FAR2: variants seen among roughly 807,000 people sequenced by gnomAD.
FAR2 encodes epididymis secretory protein Li 81.
A neutral mutation model predicts 56.0 loss-of-function variants in FAR2; 19 were observed. That is an observed-to-expected ratio of 0.34 (90% CI 0.24 to 0.50). The LOEUF is 0.50. Among genes scored for constraint, FAR2 ranks in the 20% least tolerant of loss-of-function variants. FAR2 has a pLI of 0.98. For missense variants in FAR2, 508 were observed against 642.2 expected, an observed-to-expected ratio of 0.79 and a Z score of 2.26; for synonymous variants, 219 against 218.8, an observed-to-expected ratio of 1.00 and a Z score of -0.01.
At chr12:29,159,144 A>T (rs181772465) in intron 1 of FAR2, among the ~76,000 whole-genome samples, 76 of 152,336 alleles carry the variant, frequency 5.0e-4, no homozygotes, top group Non-Finnish European at 1.3e-4. Flanking sequence ...ATGTGTAAAT[A>T]TACAATGCTC....
intron 1 of FAR2, among the ~76,000 whole-genome samples, chr12:29,170,444 G>A (rs1033930411): frequency 6.6e-6 from 1 of 152,240 alleles, no homozygotes; most frequent in African/African-American, 2.4e-5. Flanking sequence ...CAACAAGGTG[G>A]TACTGGAGTA....
intron 1 of FAR2, among the ~76,000 whole-genome samples, chr12:29,209,395 C>T (rs1947516805): frequency 1.3e-5 from 2 of 152,144 alleles, no homozygotes; most frequent in South Asian, 4.2e-4. Flanking sequence ...TCTTGGGCTC[C>T]AAGTCTTCTA....
At chr12:29,266,707 C>T (rs1375955451) in intron 1 of FAR2, among the ~76,000 whole-genome samples, 1 of 152,068 alleles carries the variant, frequency 6.6e-6, no homozygotes, top group African/African-American at 2.4e-5. Context: ...ACTCCACTTA[C>T]TCTAATGTGA....
chr12:29,226,711 T>G (rs1201403158), intron 1 of FAR2, among the ~76,000 whole-genome samples: 1 of 152,190 alleles, frequency 6.6e-6, no homozygotes, highest in Non-Finnish European at 1.5e-5. Flanking sequence ...GGAATCACTT[T>G]AGTCCTAGTC....
At chr12:29,226,485 T>C (rs1369278899) in intron 1 of FAR2, among the ~76,000 whole-genome samples, 1 of 152,222 alleles carries the variant, frequency 6.6e-6, no homozygotes, top group Admixed American at 6.5e-5. Flanking sequence ...AAAATTCATA[T>C]GCAGATTTGC....
intron 1 of FAR2, among the ~76,000 whole-genome samples, chr12:29,249,306 G>T (rs375533385): frequency 4.6e-5 from 7 of 152,274 alleles, no homozygotes; most frequent in African/African-American, 1.7e-4. Context: ...TCCGTTTGGG[G>T]TCCCTGACTT....
intron 1 of FAR2, among the ~76,000 whole-genome samples, chr12:29,256,965 G>C (rs531179052): frequency 2.2e-4 from 33 of 152,250 alleles, no homozygotes; most frequent in African/African-American, 7.7e-4. Flanking sequence ...CCTCCTCGAC[G>C]AGCGCCACCC....
At chr12:29,255,161 G>A (rs1324231954) in intron 1 of FAR2, among the ~76,000 whole-genome samples, 1 of 98,564 alleles carries the variant, frequency 1.0e-5, no homozygotes, top group African/African-American at 5.2e-5. Context: ...CAGTTCTGGA[G>A]GCTAGAATTC....
rs529810404 is a variant in FAR2 at position 29,188,302 on chromosome 12, AC to A, written c.-39+38897del. Reference sequence around the variant, plus strand: ...CCTCACCTTTAGCTTCGGGTCTATCACCACCCAGCTTTTCTGCCCTTAATTT... The same window carrying A: ...CCTCACCTTTAGCTTCGGGTCTATCACACCCAGCTTTTCTGCCCTTAATTT... On this transcript the variant is annotated intron_variant, in intron 1 of 11. Coordinates refer to ENST00000536681, the MANE Select transcript of FAR2 (RefSeq NM_001271783.2). Among the ~76,000 whole-genome samples the A allele has an allele frequency of 8.2e-4, 125 of 152,132 alleles. 1 individual carries two copies. Among genetic ancestry groups the A allele is most frequent in the African/African-American group, 2.8e-3 (118 of 41,498 alleles).
At chr12:29,277,537 G>A (rs560367827) in intron 2 of FAR2, 17 of 152,242 alleles carry the variant, frequency 1.1e-4, no homozygotes, top group Non-Finnish European at 2.4e-4. Flanking sequence ...TGAGGCAAAC[G>A]AGTTTCATAA....
At chr12:29,282,873 G>A (rs774738267) in intron 2 of FAR2, among the ~76,000 whole-genome samples, 13 of 151,912 alleles carry the variant, frequency 8.6e-5, no homozygotes, top group Middle Eastern at 3.2e-3. Flanking sequence ...GTGAAGAATC[G>A]AAAAAGAAGA....
intron 2 of FAR2, 118 bp downstream of exon 2, chr12:29,270,756 G>A: frequency 2.4e-6 from 2 of 824,488 alleles, no homozygotes; most frequent in Non-Finnish European, 3.4e-6. Context: ...CACAGGTAGA[G>A]GAAGGCAGAC....
chr12:29,303,601 C>T (rs1360084794), intron 4 of FAR2, among the ~76,000 whole-genome samples: 1 of 152,170 alleles, frequency 6.6e-6, no homozygotes, highest in Non-Finnish European at 1.5e-5. Context: ...CAGCCAGCAG[C>T]AGTGGCCCTT....
At chr12:29,255,128 A>G (rs1948297483) in intron 1 of FAR2, among the ~76,000 whole-genome samples, 1 of 151,826 alleles carries the variant, frequency 6.6e-6, no homozygotes, top group Non-Finnish European at 1.5e-5. Context: ...GGGTTGCTTA[A>G]TCAACAGACC....
chr12:29,187,805 AC>A (rs1950057843), intron 1 of FAR2, among the ~76,000 whole-genome samples: 1 of 152,164 alleles, frequency 6.6e-6, no homozygotes, highest in African/African-American at 2.4e-5. Flanking sequence ...TGCTTTACCA[AC>A]TTAATGGTTT....
At chr12:29,183,724 T>C (rs1950012768) in intron 1 of FAR2, among the ~76,000 whole-genome samples, 1 of 152,234 alleles carries the variant, frequency 6.6e-6, no homozygotes, top group Non-Finnish European at 1.5e-5. Flanking sequence ...GTACTGAAGA[T>C]AAAATGGAGA....
chr12:29,220,951 G>A (rs1947680849), intron 1 of FAR2, among the ~76,000 whole-genome samples: 1 of 152,060 alleles, frequency 6.6e-6, no homozygotes, highest in African/African-American at 2.4e-5. Context: ...CCTTCTCCCC[G>A]ATTCTTCCCT....
chr12:29,202,625 C>T (rs182583468), intron 1 of FAR2, among the ~76,000 whole-genome samples: 1 of 152,160 alleles, frequency 6.6e-6, no homozygotes, highest in African/African-American at 2.4e-5. Context: ...GCGGATCCCT[C>T]ATAAATGGCT....
At chr12:29,199,599 C>CAAAAA (rs774461038) in intron 1 of FAR2, among the ~76,000 whole-genome samples, 3 of 106,260 alleles carry the variant, frequency 2.8e-5, no homozygotes, top group Non-Finnish European at 3.8e-5. Context: ...GACCCCGTCT[C>CAAAAA]AAAAAAAAAA....
Sources: allele counts gnomAD v4.1 joint callset (sites outside exome capture counted in the v4.1 genomes callset), GRCh38; gene constraint gnomAD v4.1.1; transcripts MANE v1.5; gene names NCBI Gene and HGNC (gene_info 2026-07-23, HGNC 2026-07-21).